The following SLC13A3 variants were observed in gnomAD, a reference collection of about 807,000 sequenced individuals.
SLC13A3 encodes the protein solute carrier family 13 member 3.
Under a neutral mutation model 59.0 loss-of-function variants are expected in SLC13A3, and 40 were observed. That is an observed-to-expected ratio of 0.68 (90% CI 0.53 to 0.88). The LOEUF (loss-of-function observed/expected upper bound fraction) is 0.88. Ranked by LOEUF, SLC13A3 falls within the 40% of genes least tolerant of loss-of-function variation. The pLI, the probability that SLC13A3 is intolerant of heterozygous loss-of-function variation, is 0.00. For synonymous variants in SLC13A3, 317 were observed against 330.3 expected, an observed-to-expected ratio of 0.96 and a Z score of 0.44; for missense variants, 699 against 783.2, an observed-to-expected ratio of 0.89 and a Z score of 1.28.
At chr20:46,640,834 C>G (rs2062840403) in intron 1 of SLC13A3, among the ~76,000 whole-genome samples, 1 of 152,186 alleles carries the variant, frequency 6.6e-6, no homozygotes, top group African/African-American at 2.4e-5. Context: ...TCAGAGAATT[C>G]TGCTCATCAG....
chr20:46,562,979 G>C (rs1431451152), intron 12 of SLC13A3, among the ~76,000 whole-genome samples: 4 of 152,178 alleles, frequency 2.6e-5, no homozygotes, highest in Non-Finnish European at 5.9e-5. Flanking sequence ...GGACCTTCCG[G>C]GGGAGGGAAC....
chr20:46,614,481 T>C (rs551036248), intron 1 of SLC13A3, among the ~76,000 whole-genome samples: 5 of 152,198 alleles, frequency 3.3e-5, no homozygotes, highest in Non-Finnish European at 7.4e-5. Context: ...AGTAGGAAGC[T>C]ACTAGTGTGT....
intron 6 of SLC13A3, among the ~76,000 whole-genome samples, chr20:46,590,996 CAAA>C (rs555500205): frequency 7.4e-6 from 1 of 135,692 alleles, no homozygotes. Flanking sequence ...CTCTCTCTAC[CAAA>C]AAAAAAAAAA....
At chr20:46,679,243 T>A (rs981609258) in intron 1 of SLC13A3, among the ~76,000 whole-genome samples, 1 of 152,120 alleles carries the variant, frequency 6.6e-6, no homozygotes, top group African/African-American at 2.4e-5. Context: ...CTAGACTAAT[T>A]GGGATTCTGT....
At chr20:46,659,026 T>A (rs1424965029) in intron 1 of SLC13A3, among the ~76,000 whole-genome samples, 3 of 152,238 alleles carry the variant, frequency 2.0e-5, no homozygotes, top group Non-Finnish European at 4.4e-5. Context: ...CCACTTTTTT[T>A]AAACTGTCAA....
chr20:46,560,065 G>A lies in SLC13A3; in HGVS notation c.1766C>T (p.Ala589Val). ...GTCATTGGCCAAGGTGGGTGGCAAT[G>A]CTGTGACATTGACCGAGTACATATC... ...WADMYSVNVT[A>V]LPPTLANDTF... Residue 589 changes from alanine to valine, a missense_variant, in exon 13 of 13, where the codon GCA (alanine) becomes GTA (valine). Transcript: ENST00000279027. 1 of 1,614,204 alleles carries A rather than the reference G, an allele frequency of 6.2e-7. No individual in the cohort carries two copies. Among genetic ancestry groups the A allele is most frequent in the South Asian group, 1.1e-5 (1 of 91,082 alleles).
chr20:46,589,233 C>G lies in SLC13A3; in HGVS notation c.943G>C (p.Glu315Gln). Reference sequence around the variant, plus strand: ...CTATCTTCTGCATTGGTTCTTATCTCAGATTTATTCTTCCTCCAGCCCCTG... The same window carrying G: ...CTATCTTCTGCATTGGTTCTTATCTGAGATTTATTCTTCCTCCAGCCCCTG... ...SFRGWRKNKS[E>Q]IRTNAEDRAR... The change falls in exon 7 of 13, where the codon GAG (glutamate) becomes CAG (glutamine). Residue 315 changes from glutamate to glutamine, a missense_variant. By Grantham distance (29) the Glu-to-Gln change is conservative (BLOSUM62 2). Coordinates refer to ENST00000279027, the MANE Select transcript of SLC13A3 (RefSeq NM_022829.6). The G allele has an allele frequency of 3.7e-6, 6 of 1,614,180 alleles. No homozygotes were observed. Among genetic ancestry groups the G allele is most frequent in the Non-Finnish European group, 4.2e-6 (5 of 1,180,008 alleles).
At chr20:46,592,646 G>T in intron 5 of SLC13A3, 117 bp from the exon 6 acceptor site, 1 of 992,562 alleles carries the variant, frequency 1.0e-6, no homozygotes, top group Non-Finnish European at 1.5e-6. Context: ...GGGTCCCATG[G>T]AAGTCTTGGG....
At chr20:46,628,085 C>T (rs2062695487) in intron 1 of SLC13A3, among the ~76,000 whole-genome samples, 1 of 152,200 alleles carries the variant, frequency 6.6e-6, no homozygotes. Context: ...CACGTGGCCA[C>T]ACTGAGGTTC....
chr20:46,569,086 C>T (rs1020502216), intron 10 of SLC13A3, among the ~76,000 whole-genome samples: 1 of 152,188 alleles, frequency 6.6e-6, no homozygotes, highest in African/African-American at 2.4e-5. Flanking sequence ...TGGGTTCAAG[C>T]AAGCCTCCCA....
chr20:46,632,558 A>T (rs887963074), intron 1 of SLC13A3, among the ~76,000 whole-genome samples: 1 of 152,054 alleles, frequency 6.6e-6, no homozygotes, highest in African/African-American at 2.4e-5. Flanking sequence ...GCCAAGAAGC[A>T]GAGAAGCCTA....
At chr20:46,675,006 G>A (rs1220807186), upstream of SLC13A3, among the ~76,000 whole-genome samples, 2 of 152,192 alleles carry the variant, frequency 1.3e-5, no homozygotes, top group Non-Finnish European at 2.9e-5. Context: ...AGGAAATGAG[G>A]GAGGCAGCCA....
chr20:46,600,082 G>A, intron 3 of SLC13A3, 45 bp from the exon 4 acceptor site: 4 of 1,426,598 alleles, frequency 2.8e-6, no homozygotes, highest in Non-Finnish European at 3.8e-6. Flanking sequence ...GTAGCGAATG[G>A]AACAGGAGTG....
chr20:46,636,737 A>G (rs2062799338), intron 1 of SLC13A3, among the ~76,000 whole-genome samples: 1 of 151,990 alleles, frequency 6.6e-6, no homozygotes, highest in Non-Finnish European at 1.5e-5. Context: ...GGATCATCCG[A>G]GCCCACATTC....
intron 8 of SLC13A3, chr20:46,584,981 CA>C (rs1292768651): frequency 4.1e-6 from 1 of 242,986 alleles, no homozygotes; most frequent in African/African-American, 2.3e-5. Context: ...CATAGAAACA[CA>C]ACCAAGACAC....
Position 46,559,810 on chromosome 20 carries a change from G to A in SLC13A3, c.*212C>T, listed in dbSNP as rs2061915693. The A allele has an allele frequency of 1.9e-6, 1 of 533,896 alleles. No homozygotes were observed. The highest frequency in any genetic ancestry group is 1.9e-5 in the African/African-American group (1 of 52,870). 33.1% of individuals were successfully genotyped at this position (533,896 alleles called of 1,614,324 possible). A position where few individuals can be genotyped will look rare whatever the true frequency, so the allele number is the denominator to read the frequency against. ...AGCTTATTTCTCAGGCAGCAGATCTGAGAGATACCTGGGCTTTGAACTGCA... is the reference window on the plus strand; with the variant it reads ...AGCTTATTTCTCAGGCAGCAGATCTAAGAGATACCTGGGCTTTGAACTGCA... On this transcript the variant is annotated 3_prime_UTR_variant, in exon 13 of 13. Coordinates refer to ENST00000279027, the MANE Select transcript of SLC13A3 (RefSeq NM_022829.6).
At chr20:46,578,662 C>A (rs1221709873) in intron 9 of SLC13A3, among the ~76,000 whole-genome samples, 1 of 152,014 alleles carries the variant, frequency 6.6e-6, no homozygotes, top group East Asian at 1.9e-4. Context: ...GGCAACAGAG[C>A]AAGACCCTGT....
chr20:46,657,432 G>T lies in SLC13A3; in HGVS notation c.-31+12611C>A, dbSNP rs771076476. 5.4e-4 allele frequency among the ~76,000 whole-genome samples: 81 copies of T among 151,378 alleles called. 1 individual carries two copies. In the Middle Eastern group the frequency reaches 0.024, roughly 46 times the overall value. ...TTGTCTTATACAACAAGTGACTTTCGTTTGGAACCTGGACATTTTGGGTAC... is the reference window on the plus strand; with the variant it reads ...TTGTCTTATACAACAAGTGACTTTCTTTTGGAACCTGGACATTTTGGGTAC... On this transcript the variant is annotated intron_variant, in intron 1 of 12. Coordinates refer to the SLC13A3 transcript ENST00000290317.
chr20:46,663,410 A>T (rs914797456), intron 1 of SLC13A3, among the ~76,000 whole-genome samples: 1 of 151,198 alleles, frequency 6.6e-6, no homozygotes, highest in Admixed American at 6.6e-5. Context: ...GTGCCACTAC[A>T]CTCCAGCCTG....
Sources: gnomAD v4.1 joint callset for allele counts (sites outside exome capture counted in the v4.1 genomes callset) on GRCh38, gnomAD v4.1.1 for gene constraint, MANE v1.5 for transcripts, NCBI Gene and HGNC (gene_info 2026-07-23, HGNC 2026-07-21) for gene names.